Variants in GALNT13 observed in about 807,000 individuals in gnomAD.
GALNT13 encodes the protein polypeptide N-acetylgalactosaminyltransferase 13.
In GALNT13, 28 loss-of-function variants were observed where a neutral mutation model predicts 64.2. That is an observed-to-expected ratio of 0.44 (90% CI 0.32 to 0.60). The LOEUF (loss-of-function observed/expected upper bound fraction) is 0.60. Ranked by LOEUF, GALNT13 falls within the 20% of genes least tolerant of loss-of-function variation. GALNT13 has a pLI of 0.05. For missense variants in GALNT13, 577 were observed against 669.8 expected, an observed-to-expected ratio of 0.86 and a Z score of 1.53; for synonymous variants, 214 against 224.6, an observed-to-expected ratio of 0.95 and a Z score of 0.42.
the GALNT13 span, among the ~76,000 whole-genome samples, chr2:153,765,123 C>T: frequency 6.6e-6 from 1 of 152,236 alleles, no homozygotes; most frequent in Non-Finnish European, 1.5e-5. Context: ...AGCCCCCACA[C>T]AGGGTCCCCA....
chr2:153,672,026 A>G, the GALNT13 span, among the ~76,000 whole-genome samples: 3 of 152,298 alleles, frequency 2.0e-5, no homozygotes, highest in East Asian at 5.8e-4. Context: ...TATTCACCCA[A>G]TACAGGAGCA....
chr2:153,849,207 A>G, the GALNT13 span, among the ~76,000 whole-genome samples: 2 of 152,288 alleles, frequency 1.3e-5, no homozygotes, highest in Middle Eastern at 3.4e-3. Flanking sequence ...ATACATGCAA[A>G]AAACACATTT....
intron 3 of GALNT13, among the ~76,000 whole-genome samples, chr2:154,108,172 T>G (rs1427702366): frequency 2.0e-5 from 3 of 151,982 alleles, no homozygotes; most frequent in Non-Finnish European, 4.4e-5. Context: ...TTTCTTTTTT[T>G]GAGGAATCTC....
the GALNT13 span, among the ~76,000 whole-genome samples, chr2:153,122,546 C>T: frequency 6.6e-6 from 1 of 152,260 alleles, no homozygotes; most frequent in Admixed American, 6.5e-5. Context: ...CATTTTGTCC[C>T]TCACCTACAT....
At chr2:154,214,065 T>C (rs1484283902) in intron 4 of GALNT13, among the ~76,000 whole-genome samples, 1 of 152,178 alleles carries the variant, frequency 6.6e-6, no homozygotes, top group African/African-American at 2.4e-5. Context: ...AACTCACCAA[T>C]GATGTAATGA....
At chr2:153,447,207 AT>A in the GALNT13 span, among the ~76,000 whole-genome samples, 1 of 152,230 alleles carries the variant, frequency 6.6e-6, no homozygotes, top group Non-Finnish European at 1.5e-5. Context: ...TGCTTGGCAC[AT>A]AACAGGTTCT....
chr2:153,475,892 T>C, the GALNT13 span, among the ~76,000 whole-genome samples: 59 of 152,310 alleles, frequency 3.9e-4, no homozygotes, highest in South Asian at 0.011. Flanking sequence ...CTTTGAAACA[T>C]GCAGGCAGCA....
chr2:154,143,411 G>A (rs931076348), intron 4 of GALNT13, among the ~76,000 whole-genome samples: 1 of 151,668 alleles, frequency 6.6e-6, no homozygotes, highest in East Asian at 1.9e-4. Context: ...ATATATTCCA[G>A]AAAACTAGGT....
the GALNT13 span, among the ~76,000 whole-genome samples, chr2:153,072,249 T>C: frequency 1.3e-5 from 2 of 152,126 alleles, no homozygotes; most frequent in South Asian, 2.1e-4. Flanking sequence ...AAAATAACTC[T>C]TACCTACCGC....
At chr2:154,099,929 C>A (rs1177845880) in intron 3 of GALNT13, among the ~76,000 whole-genome samples, 2 of 151,990 alleles carry the variant, frequency 1.3e-5, no homozygotes, top group Admixed American at 6.6e-5. Flanking sequence ...CAGAGTGAGA[C>A]CTTCAAAAAA....
the GALNT13 span, among the ~76,000 whole-genome samples, chr2:153,388,938 GTAGA>G: frequency 2.6e-5 from 4 of 152,074 alleles, no homozygotes; most frequent in African/African-American, 7.2e-5. Context: ...CTTGGAGAGA[GTAGA>G]AGTAGCTCCT....
At chr2:154,184,001 C>G (rs1686111864) in intron 4 of GALNT13, among the ~76,000 whole-genome samples, 2 of 151,776 alleles carry the variant, frequency 1.3e-5, no homozygotes, top group African/African-American at 4.8e-5. Context: ...CAAGGCTGGC[C>G]TCAAAGTCCC....
At chr2:153,466,652 GCTT>G in the GALNT13 span, among the ~76,000 whole-genome samples, 1 of 151,904 alleles carries the variant, frequency 6.6e-6, no homozygotes, top group Non-Finnish European at 1.5e-5. Context: ...CTTTTCTAGA[GCTT>G]CTTCTTCAGC....
At chr2:154,281,539 A>G (rs748277726) in intron 8 of GALNT13, among the ~76,000 whole-genome samples, 36 of 152,300 alleles carry the variant, frequency 2.4e-4, no homozygotes, top group South Asian at 6.2e-4. Flanking sequence ...GAAAGGCAAA[A>G]AGTGACAGTA....
At chr2:153,296,952 TG>T in the GALNT13 span, among the ~76,000 whole-genome samples, 1 of 152,202 alleles carries the variant, frequency 6.6e-6, no homozygotes, top group Non-Finnish European at 1.5e-5. Flanking sequence ...TTCAAATACT[TG>T]GTGCTTTGAA....
the GALNT13 span, chr2:153,173,074 A>AAC: frequency 8.4e-6 from 1 of 119,442 alleles, no homozygotes; most frequent in African/African-American, 3.0e-5. Flanking sequence ...TATATCTTGT[A>AAC]ATATATATCT....
chr2:154,328,693 A>G (rs1441196379), intron 9 of GALNT13, among the ~76,000 whole-genome samples: 1 of 152,112 alleles, frequency 6.6e-6, no homozygotes, highest in South Asian at 2.1e-4. Context: ...ATTGCTGAAC[A>G]TGTTTGATTT....
At chr2:153,792,611 A>G in the GALNT13 span, among the ~76,000 whole-genome samples, 2 of 152,048 alleles carry the variant, frequency 1.3e-5, no homozygotes, top group Non-Finnish European at 2.9e-5. Context: ...AATTTTACAC[A>G]TTTTCACATT....
the GALNT13 span, among the ~76,000 whole-genome samples, chr2:153,325,357 T>G: frequency 6.6e-6 from 1 of 152,178 alleles, no homozygotes; most frequent in African/African-American, 2.4e-5. Flanking sequence ...ACTTTATCAT[T>G]TTTATTGTGT....
Sources: allele counts gnomAD v4.1 joint callset (sites outside exome capture counted in the v4.1 genomes callset), GRCh38; gene constraint gnomAD v4.1.1; transcripts MANE v1.5; gene names NCBI Gene and HGNC (gene_info 2026-07-23, HGNC 2026-07-21).